UBR1: variants seen among roughly 807,000 people sequenced by gnomAD.
The protein encoded by UBR1 is ubiquitin protein ligase E3 component n-recognin 1, also known as E3 ubiquitin-protein ligase UBR1.
UBR1 carries 102 observed loss-of-function variants against 242.1 expected under a neutral mutation model. That is an observed-to-expected ratio of 0.42 (90% CI 0.36 to 0.50). The LOEUF is 0.50. Ranked by LOEUF, UBR1 falls within the 20% of genes least tolerant of loss-of-function variation. The probability of loss-of-function intolerance (pLI) is 0.01; values close to 1 mark genes in which losing one functional copy is unlikely to be tolerated. For synonymous variants in UBR1, 675 were observed against 684.8 expected, an observed-to-expected ratio of 0.99 and a Z score of 0.22; for missense variants, 1,772 against 2,101.8, an observed-to-expected ratio of 0.84 and a Z score of 3.07.
intron 6 of UBR1, among the ~76,000 whole-genome samples, chr15:43,061,436 G>T (rs2033683133): frequency 6.6e-6 from 1 of 152,146 alleles, no homozygotes. Flanking sequence ...GCATGTTTAT[G>T]GCAGTTACAA....
intron 6 of UBR1, among the ~76,000 whole-genome samples, chr15:43,060,941 G>GAA (rs11302662): frequency 3.2e-5 from 4 of 125,210 alleles, no homozygotes; most frequent in South Asian, 2.4e-4. Context: ...TGCCATTACA[G>GAA]AAAAAAAAAA....
At chr15:42,956,857 C>T (rs2141252519) in intron 44 of UBR1, among the ~76,000 whole-genome samples, 1 of 152,178 alleles carries the variant, frequency 6.6e-6, no homozygotes, top group East Asian at 1.9e-4. Context: ...TTAGATCTCT[C>T]TGGTGGTTCA....
At chr15:43,091,030 C>G (rs962229777) in intron 1 of UBR1, among the ~76,000 whole-genome samples, 3 of 152,136 alleles carry the variant, frequency 2.0e-5, no homozygotes, top group Non-Finnish European at 4.4e-5. Context: ...CCTCTGCCTC[C>G]CGGGTTCAAG....
intron 1 of UBR1, among the ~76,000 whole-genome samples, chr15:43,094,205 GGATTACTTGAGGTCAGGAGTTT>G (rs1353854654): frequency 2.6e-5 from 4 of 152,052 alleles, no homozygotes; most frequent in Middle Eastern, 3.2e-3. Context: ...TGAGGCGGGC[GGATTACTTGAGGTCAGGAGTTT>G]GAGACCAGCC....
At chr15:42,968,905 T>A (rs1315497921) in intron 40 of UBR1, among the ~76,000 whole-genome samples, 1 of 152,228 alleles carries the variant, frequency 6.6e-6, no homozygotes, top group Non-Finnish European at 1.5e-5. Context: ...ATTTGCTTTA[T>A]CCAGTTTAAC....
At chr15:42,977,309 T>C (rs1024042961) in intron 38 of UBR1, among the ~76,000 whole-genome samples, 65 of 152,218 alleles carry the variant, frequency 4.3e-4, no homozygotes, top group African/African-American at 1.5e-3. Flanking sequence ...GCCTAGATAA[T>C]GAGGGGGATG....
At chr15:43,031,989 G>C (rs747296969) in intron 20 of UBR1, among the ~76,000 whole-genome samples, 1 of 152,060 alleles carries the variant, frequency 6.6e-6, no homozygotes, top group African/African-American at 2.4e-5. Context: ...AGCTGAGATC[G>C]CACCACTGCA....
At chr15:43,032,263 C>T (rs1292545225) in intron 20 of UBR1, among the ~76,000 whole-genome samples, 1 of 151,978 alleles carries the variant, frequency 6.6e-6, no homozygotes, top group East Asian at 1.9e-4. Context: ...TCTAAGTAAC[C>T]TTAACAAAGC....
chr15:43,021,736 T>C (rs909178108), intron 26 of UBR1, among the ~76,000 whole-genome samples: 7 of 152,334 alleles, frequency 4.6e-5, no homozygotes, highest in Admixed American at 3.3e-4. Context: ...TCCCTAGATA[T>C]GGAACCCACA....
At chr15:43,077,147 G>GT (rs2033915538) in intron 3 of UBR1, among the ~76,000 whole-genome samples, 1 of 149,254 alleles carries the variant, frequency 6.7e-6, no homozygotes, top group South Asian at 2.2e-4. Context: ...CCGTCTGGGA[G>GT]GTGTGCCCAG....
In UBR1 at chr15:42,976,697, C is replaced by T. The variant is rs775191486; in HGVS notation, c.4369+20G>A. 1.1e-5 allele frequency: 18 copies of T among 1,613,826 alleles called. No homozygotes were observed. Among genetic ancestry groups the T allele is most frequent in the Non-Finnish European group, 1.4e-5 (17 of 1,179,830 alleles). ...ATGGCAAAATGTTATTCACAGTCAA[C>T]ACCCAGATGAAAACCTTACCTGTGT... On this transcript the variant is annotated intron_variant, in intron 39 of 46. Coordinates refer to ENST00000290650, the MANE Select transcript of UBR1 (RefSeq NM_174916.3).
At chr15:43,055,694 C>A (rs1466036633) in intron 11 of UBR1, among the ~76,000 whole-genome samples, 10 of 152,156 alleles carry the variant, frequency 6.6e-5, no homozygotes, top group Non-Finnish European at 1.5e-4. Flanking sequence ...GCTGGCAGAT[C>A]ACCTGAGGTC....
intron 34 of UBR1, among the ~76,000 whole-genome samples, chr15:42,989,749 C>G (rs541098236): frequency 1.3e-5 from 2 of 152,240 alleles, no homozygotes; most frequent in African/African-American, 4.8e-5. Flanking sequence ...TAGGACCAGA[C>G]AGAATTGGCA....
chr15:42,950,200 G>C, intron 46 of UBR1, 62 bp downstream of exon 46: 1 of 1,392,472 alleles, frequency 7.2e-7, no homozygotes. Flanking sequence ...GACTGAAATA[G>C]AAAACAATCA....
At chr15:43,074,866 T>G in intron 4 of UBR1, 113 bp downstream of exon 4, 11 of 889,584 alleles carry the variant, frequency 1.2e-5, no homozygotes, top group Non-Finnish European at 1.9e-5. Flanking sequence ...CACCTAAATA[T>G]GAGAATAAAA....
intron 24 of UBR1, 71 bp downstream of exon 24, chr15:43,025,310 A>C: frequency 1.4e-6 from 2 of 1,471,324 alleles, no homozygotes. Flanking sequence ...ACAACAAAAA[A>C]CTATATGCTT....
intron 3 of UBR1, among the ~76,000 whole-genome samples, chr15:43,076,074 G>A (rs2033886721): frequency 2.0e-5 from 3 of 151,176 alleles, no homozygotes; most frequent in Admixed American, 6.6e-5. Flanking sequence ...CAACCTCCCC[G>A]CCTGATTCTC....
chr15:43,044,374 C>G (rs1319668740), intron 14 of UBR1, among the ~76,000 whole-genome samples: 3 of 151,772 alleles, frequency 2.0e-5, no homozygotes, highest in Non-Finnish European at 2.9e-5. Flanking sequence ...GTGGGGCCAT[C>G]AGGACAAAAA....
chr15:42,991,544 A>G (rs1274056157), intron 33 of UBR1, among the ~76,000 whole-genome samples: 1 of 151,990 alleles, frequency 6.6e-6, no homozygotes, highest in Non-Finnish European at 1.5e-5. Context: ...ATTTCTTCAA[A>G]TATTTTTTCT....
Sources: allele counts gnomAD v4.1 joint callset (sites outside exome capture counted in the v4.1 genomes callset), GRCh38; gene constraint gnomAD v4.1.1; transcripts MANE v1.5; gene names NCBI Gene and HGNC (gene_info 2026-07-23, HGNC 2026-07-21).